The following GCDH variants were observed in gnomAD, a reference collection of about 807,000 sequenced individuals.
GCDH encodes glutaryl-CoA dehydrogenase, mitochondrial.
Under a neutral mutation model 52.8 loss-of-function variants are expected in GCDH, and 31 were observed. That is an observed-to-expected ratio of 0.59 (90% CI 0.44 to 0.79). The LOEUF is 0.79. Ranked by LOEUF, GCDH falls within the 30% of genes least tolerant of loss-of-function variation. GCDH has a pLI of 0.00. For missense variants in GCDH, 509 were observed against 595.0 expected (o/e 0.86, Z 1.50); for synonymous variants, 242 against 250.0 (o/e 0.97, Z 0.30).
In GCDH at chr19:12,891,884, A is replaced by T. The variant is rs747968607; in HGVS notation, c.181A>T (p.Thr61Ser). 1.2e-6 allele frequency: 2 copies of T among 1,614,114 alleles called. No individual in the cohort carries two copies. Among genetic ancestry groups the T allele is most frequent in the Non-Finnish European group, 1.7e-6 (2 of 1,179,950 alleles). ...CCCGCTGGTGCTGGAGGAGCAGCTGACCACAGATGAGATCCTCATCAGGGA... is the reference window on the plus strand; with the variant it reads ...CCCGCTGGTGCTGGAGGAGCAGCTGTCCACAGATGAGATCCTCATCAGGGA... ...QDPLVLEEQLTTDEILIRDTF... is the reference protein window; with the variant it reads ...QDPLVLEEQLSTDEILIRDTF... The change falls in exon 4 of 12, where the codon ACC (threonine) becomes TCC (serine). Residue 61 changes from threonine (T) to serine (S), a missense_variant. Physicochemically the swap from Thr to Ser is moderately conservative, Grantham distance 58 (BLOSUM62 1). Transcript: ENST00000222214.
At chr19:12,892,261 C>T in intron 5 of GCDH, 83 bp downstream of exon 5, 1 of 1,133,970 alleles carries the variant, frequency 8.8e-7, no homozygotes, top group South Asian at 1.2e-5. Flanking sequence ...CCCTTTCTTC[C>T]TTCCTTCTCT....
intron 6 of GCDH, chr19:12,894,666 G>A (rs1287948286): frequency 5.0e-6 from 4 of 798,710 alleles, no homozygotes; most frequent in African/African-American, 1.7e-5. Context: ...AAGATTCAGC[G>A]CCTTGTCACT....
intron 5 of GCDH, chr19:12,892,419 G>A: frequency 3.4e-6 from 2 of 586,832 alleles, no homozygotes; most frequent in Non-Finnish European, 6.1e-6. Flanking sequence ...CACCCCTCTA[G>A]TAGCTGGGAT....
chr19:12,894,762 C>A, intron 6 of GCDH: 1 of 830,840 alleles, frequency 1.2e-6, no homozygotes, highest in Non-Finnish European at 1.9e-6. Context: ...GCAGAATATG[C>A]TAAACTTTTG....
At chr19:12,891,458 G>A (rs747546938) in intron 2 of GCDH, 29 bp from the exon 3 acceptor site, 3 of 1,614,218 alleles carry the variant, frequency 1.9e-6, no homozygotes, top group East Asian at 2.2e-5. Flanking sequence ...GGGACTTTCC[G>A]GGGTGACTTT....
rs1292021380 is a variant in GCDH at position 12,897,024 on chromosome 19, G to A, written c.956+11G>A. On this transcript the variant is annotated intron_variant, in intron 9 of 11. Transcript: ENST00000222214. ...GTACGCCCTCGACAGGTGTGTGAGG[G>A]CTGCAGTGAGATTCTCTGGGGGTGT... 7 of 1,598,172 alleles carry A rather than the reference G, an allele frequency of 4.4e-6. No homozygotes were observed. The South Asian group carries it at 5.5e-5, about 13-fold the overall frequency.
Position 12,899,135 on chromosome 19 carries a change from G to A in GCDH, c.1244-333G>A, listed in dbSNP as rs901120308. The A allele has an allele frequency of 2.2e-5, 13 of 594,392 alleles. No homozygotes were observed. The Middle Eastern group carries it at 1.8e-3, about 81-fold the overall frequency. The allele number at this position is 594,392 out of a possible 1,614,324, so 36.8% of individuals were successfully genotyped here. A position where few individuals can be genotyped will look rare whatever the true frequency, so the allele number is the denominator to read the frequency against. On this transcript the variant is annotated intron_variant, in intron 11 of 11. Transcript: ENST00000222214. ...GCTGGGGGTGGGGAGAACTTGCCAA[G>A]GGTGGGGAGCACGAAGCCTGGGCCT...
chr19:12,891,359 G>T lies in GCDH; in HGVS notation c.55G>T (p.Val19Phe), dbSNP rs1323706652. 6.2e-7 allele frequency: 1 copy of T among 1,613,712 alleles called. No homozygotes were observed. Among genetic ancestry groups the T allele is most frequent in the Non-Finnish European group, 8.5e-7 (1 of 1,180,014 alleles). ...RLLSRGPGLHVLRTWVSSAAQ... is the reference protein window; with the variant it reads ...RLLSRGPGLHFLRTWVSSAAQ... ...GCTGAGCCGCGGACCCGGCCTGCACGTCCTTCGCACGTGGGTCTCGTCGGC... is the reference window on the plus strand; with the variant it reads ...GCTGAGCCGCGGACCCGGCCTGCACTTCCTTCGCACGTGGGTCTCGTCGGC... The change falls in exon 2 of 12, where the codon GTC (valine) becomes TTC (phenylalanine). Residue 19 changes from valine to phenylalanine, a missense_variant. Coordinates refer to ENST00000222214, the MANE Select transcript of GCDH (RefSeq NM_000159.4).
chr19:12,898,688 A>G (rs1970754888), intron 11 of GCDH: 1 of 156,652 alleles, frequency 6.4e-6, no homozygotes, highest in Admixed American at 6.1e-5. Flanking sequence ...AGGCTAAGGC[A>G]GGAGGATTGC....
Position 12,896,052 on chromosome 19 carries a change from G to C in GCDH, c.566G>C (p.Ser189Thr), listed in dbSNP as rs764774411. Reference protein sequence around the residue: ...LTEPNSGSDPSSMETRAHYNS... With the variant: ...LTEPNSGSDPTSMETRAHYNS... ...GAGCCCAACAGCGGAAGTGACCCCA[G>C]CAGCATGGAGACCAGAGCCCACTAC... The change falls in exon 7 of 12, where the codon AGC becomes ACC. Residue 189 changes from serine to threonine, a missense_variant. By Grantham distance (58) the Ser-to-Thr change is moderately conservative (BLOSUM62 1). Coordinates refer to ENST00000222214, the MANE Select transcript of GCDH (RefSeq NM_000159.4). This position sits in a 1 kb window ranked among gnomAD's most constrained non-coding sequence, Gnocchi z 5.5. 5 of 1,614,096 alleles carry C rather than the reference G, an allele frequency of 3.1e-6. 1 individual carries two copies. The South Asian group carries it at 5.5e-5, about 18-fold the overall frequency.
intron 6 of GCDH, among the ~76,000 whole-genome samples, chr19:12,895,572 A>G (rs943186047): frequency 6.7e-6 from 1 of 150,272 alleles, no homozygotes; most frequent in Non-Finnish European, 1.5e-5. Flanking sequence ...AATTTTTTGT[A>G]TTTTTAGTAG....
chr19:12,897,640 T>C, intron 10 of GCDH, 63 bp from the exon 11 acceptor site: 1 of 1,596,836 alleles, frequency 6.3e-7, no homozygotes. Context: ...CCGGGCTAGG[T>C]TTGCTTGGAG....
At position 12,891,786 on chromosome 19, in the gene GCDH, C is replaced by T. The variant is rs772854475; in HGVS notation, c.128-45C>T. 9.9e-6 allele frequency: 16 copies of T among 1,611,918 alleles called. No individual in the cohort carries two copies. In the East Asian group the frequency reaches 2.9e-4, roughly 29 times the overall value. On this transcript the variant is annotated intron_variant, in intron 3 of 11. Coordinates refer to ENST00000222214, the MANE Select transcript of GCDH (RefSeq NM_000159.4). ...CTGATGAGGGTCCGAGAAGGGAGGG[C>T]ACAGTGATCTTGCGGACTGGACCGA...
At chr19:12,899,114 G>C (rs1970769204) in intron 11 of GCDH, 1 of 584,082 alleles carries the variant, frequency 1.7e-6, no homozygotes, top group Non-Finnish European at 3.1e-6. Flanking sequence ...TGTGGGGCTG[G>C]GGGTGGGGAG....
rs1417008644 is a variant in GCDH at position 12,891,850 on chromosome 19, C to T, written c.147C>T (p.Asp49=). 1 of 1,614,084 alleles carries T rather than the reference C, an allele frequency of 6.2e-7. No individual in the cohort carries two copies. Among genetic ancestry groups the T allele is most frequent in the Non-Finnish European group, 8.5e-7 (1 of 1,180,002 alleles). The change falls in exon 4 of 12, where the codon GAC becomes GAT. Residue 49 remains aspartate (D), a synonymous_variant. Transcript: ENST00000222214. The part of the protein sequence containing the change: ...QLAKSSRPEF[D]WQDPLVLEEQ... ...TCCCAGCCTCGCGTCCCGAGTTTGA[C>T]TGGCAGGACCCGCTGGTGCTGGAGG...
chr19:12,891,712 C>T, intron 3 of GCDH, 119 bp from the exon 4 acceptor site: 7 of 1,605,914 alleles, frequency 4.4e-6, no homozygotes, highest in Non-Finnish European at 5.9e-6. Flanking sequence ...ATCAGTCTCG[C>T]TTGCAGCTCG....
At chr19:12,899,295 T>G in intron 11 of GCDH, 173 bp from the exon 12 acceptor site, 1 of 1,541,466 alleles carries the variant, frequency 6.5e-7, no homozygotes, top group Non-Finnish European at 9.0e-7. Flanking sequence ...GGCCTCACAG[T>G]CTTCTCCTGG....
rs1367182882 is a variant in GCDH, at chr19:12,895,988, G to A, written c.506-4G>A. On this transcript the variant is annotated splice_region_variant and splice_polypyrimidine_tract_variant and intron_variant, in intron 6 of 11. Transcript: ENST00000222214. ...AGCCTTGTGACTTTGTCTTGTGCCT[G>A]CAGCCAAGGGGGAGCTCCTGGGCTG... 1.9e-6 allele frequency: 3 copies of A among 1,613,950 alleles called. No individual in the cohort carries two copies. Among genetic ancestry groups the A allele is most frequent in the Admixed American group, 3.3e-5 (2 of 60,010 alleles).
chr19:12,899,745 G>A lies in GCDH; in HGVS notation c.*204G>A, dbSNP rs1223561257. The A allele has an allele frequency of 6.2e-7, 1 of 1,611,530 alleles. No homozygotes were observed. Among genetic ancestry groups the A allele is most frequent in the Non-Finnish European group, 8.5e-7 (1 of 1,178,604 alleles). On this transcript the variant is annotated 3_prime_UTR_variant, in exon 12 of 12. Coordinates refer to ENST00000222214, the MANE Select transcript of GCDH (RefSeq NM_000159.4). ...AAAAGAAGATGGAATTCTCTGTAGA[G>A]CGTCTCAATCCACTTTTAACCATGG... is the stretch of plus-strand genomic sequence containing the variant.
Sources: gnomAD v4.1 joint callset for allele counts (sites outside exome capture counted in the v4.1 genomes callset) on GRCh38, gnomAD v4.1.1 for gene constraint, Gnocchi (gnomAD v3.1) non-coding constraint, MANE v1.5 for transcripts, NCBI Gene and HGNC (gene_info 2026-07-23, HGNC 2026-07-21) for gene names.